Variants in METTL21A observed in about 807,000 individuals in gnomAD.
The protein encoded by METTL21A is protein N-lysine methyltransferase METTL21A.
In METTL21A, 22 loss-of-function variants were observed where a neutral mutation model predicts 20.9. The ratio of observed to expected loss-of-function variants is 1.05; its 90% CI spans 0.75 to 1.50. The LOEUF (loss-of-function observed/expected upper bound fraction) is 1.50. Ranked by LOEUF, METTL21A falls within the 40% of genes most tolerant of loss-of-function variation. The pLI is 0.00. For missense variants in METTL21A, 271 were observed against 266.8 expected, an observed-to-expected ratio of 1.02 and a Z score of -0.11; for synonymous variants, 93 against 102.0, an observed-to-expected ratio of 0.91 and a Z score of 0.53.
At chr2:207,604,401 T>G (rs61058659), downstream of METTL21A, among the ~76,000 whole-genome samples, 1,803 of 152,292 alleles carry the variant, frequency 0.012, 34 homozygotes, top group African/African-American at 0.041. Context: ...CCACTATCCA[T>G]CTGTTAAATT....
chr2:207,613,167 C>T lies in METTL21A; in HGVS notation c.536G>A (p.Arg179Gln), dbSNP rs774753720. ...CAGCATTGCTAAGAAGTTGTTATCC[C>T]GTTCATAGCGAATTCGGCATGCTAA... is the stretch of plus-strand genomic sequence containing the variant. Residue 179 changes from arginine to glutamine, a missense_variant, in exon 4 of 4, where the codon CGG becomes CAG. Arg to Gln is a conservative substitution (Grantham distance 43, BLOSUM62 1). Coordinates refer to ENST00000406927, the Ensembl canonical transcript of METTL21A. 2.9e-5 allele frequency: 46 copies of T among 1,613,886 alleles called. No homozygotes were observed. The African/African-American group carries it at 3.9e-4, about 14-fold the overall frequency.
downstream of METTL21A, among the ~76,000 whole-genome samples, chr2:207,605,058 G>A (rs971667137): frequency 6.6e-6 from 1 of 152,150 alleles, no homozygotes; most frequent in Admixed American, 6.5e-5. Context: ...ATTTGAGTCC[G>A]TGTTTTCAAT....
At chr2:207,604,929 T>G (rs1481930127), downstream of METTL21A, among the ~76,000 whole-genome samples, 5 of 152,236 alleles carry the variant, frequency 3.3e-5, no homozygotes, top group African/African-American at 1.2e-4. Flanking sequence ...CTAAGTATAC[T>G]TTTTATAGTA....
intron 3 of METTL21A, chr2:207,598,152 C>G: frequency 5.5e-6 from 1 of 180,514 alleles, no homozygotes; most frequent in Non-Finnish European, 1.2e-5. Flanking sequence ...CAGAGAATCT[C>G]TAGTGAATTT....
intron 3 of METTL21A, among the ~76,000 whole-genome samples, chr2:207,590,583 T>C (rs1017389364): frequency 6.6e-6 from 1 of 152,154 alleles, no homozygotes; most frequent in Admixed American, 6.6e-5. Flanking sequence ...TTTCAGTTTC[T>C]AAGAAAACTT....
intron 2 of METTL21A, among the ~76,000 whole-genome samples, chr2:207,623,761 G>A (rs1387739035): frequency 1.3e-5 from 2 of 152,318 alleles, no homozygotes; most frequent in East Asian, 1.9e-4. Flanking sequence ...GCTGAGGTGG[G>A]AGAATCACTT....
intron 3 of METTL21A, among the ~76,000 whole-genome samples, chr2:207,582,702 TG>T (rs1334927616): frequency 2.6e-5 from 4 of 152,092 alleles, no homozygotes; most frequent in African/African-American, 9.7e-5. Flanking sequence ...TAGAAAATGG[TG>T]GCCAATATGG....
chr2:207,605,474 T>C (rs923172223), downstream of METTL21A, among the ~76,000 whole-genome samples: 1 of 152,236 alleles, frequency 6.6e-6, no homozygotes, highest in African/African-American at 2.4e-5. Context: ...AAGTTTTTGC[T>C]TTATAATGTC....
At chr2:207,625,818 A>G (rs1329835152), upstream of METTL21A, 1 of 152,288 alleles carries the variant, frequency 6.6e-6, no homozygotes, top group Non-Finnish European at 1.5e-5. Flanking sequence ...CGAAGAAGGC[A>G]TGGTCACTCT....
At chr2:207,583,558 C>T (rs951403641) in intron 3 of METTL21A, among the ~76,000 whole-genome samples, 1 of 152,166 alleles carries the variant, frequency 6.6e-6, no homozygotes, top group African/African-American at 2.4e-5. Context: ...TCTAAAGTTA[C>T]TTCACTCTGC....
intron 3 of METTL21A, among the ~76,000 whole-genome samples, chr2:207,585,061 G>C (rs73056936): frequency 0.012 from 1,810 of 152,030 alleles, 33 homozygotes; most frequent in African/African-American, 0.041. Flanking sequence ...ACATCATCTA[G>C]GGTGCCTGAG....
chr2:207,593,501 G>C (rs1355687502), intron 3 of METTL21A, among the ~76,000 whole-genome samples: 1 of 152,166 alleles, frequency 6.6e-6, no homozygotes, highest in African/African-American at 2.4e-5. Context: ...CTGCACTCCA[G>C]CCTGGGCAGC....
intron 3 of METTL21A, among the ~76,000 whole-genome samples, chr2:207,584,237 G>A (rs541386647): frequency 7.7e-4 from 117 of 152,220 alleles, no homozygotes; most frequent in Admixed American, 1.9e-3. Flanking sequence ...CTGTCCAATT[G>A]TTTTCCAAAA....
chr2:207,613,406 T>G (rs778554661), exon 4 of METTL21A: 2 of 1,605,814 alleles, frequency 1.2e-6, no homozygotes, highest in East Asian at 4.5e-5. Context: ...TAAGAAATTC[T>G]AATGCTACTT....
chr2:207,592,623 AT>A (rs1236743043), intron 3 of METTL21A, among the ~76,000 whole-genome samples: 1 of 151,888 alleles, frequency 6.6e-6, no homozygotes, highest in Non-Finnish European at 1.5e-5. Context: ...TCTGTCATTA[AT>A]TTTAGAAAAT....
chr2:207,622,837 T>A (rs144478928), intron 2 of METTL21A, among the ~76,000 whole-genome samples: 437 of 152,358 alleles, frequency 2.9e-3, no homozygotes, highest in Admixed American at 6.3e-3. Context: ...CACAGCCGCA[T>A]ACTGTGAGTA....
At chr2:207,612,771 G>T in exon 4 of METTL21A, 1 of 283,972 alleles carries the variant, frequency 3.5e-6, no homozygotes. Flanking sequence ...TTTATTAAAA[G>T]GGAGGAGTAT....
In METTL21A at chr2:207,624,217, G is replaced by A; in HGVS notation, c.147+12C>T. On this transcript the variant is annotated intron_variant, in intron 2 of 3. Coordinates refer to ENST00000406927, the Ensembl canonical transcript of METTL21A. ...TGTGAACGTTTTCAGAGGTCCCCCAGGGCTTACTTACCGCATCCCAAACCA... is the reference window on the plus strand; with the variant it reads ...TGTGAACGTTTTCAGAGGTCCCCCAAGGCTTACTTACCGCATCCCAAACCA... 2 of 1,592,002 alleles carry A rather than the reference G, an allele frequency of 1.3e-6. No homozygotes were observed. The highest frequency in any genetic ancestry group is 1.7e-6 in the Non-Finnish European group (2 of 1,170,646).
intron 3 of METTL21A, among the ~76,000 whole-genome samples, chr2:207,617,439 G>A (rs2107155356): frequency 6.6e-6 from 1 of 152,350 alleles, no homozygotes; most frequent in Admixed American, 6.5e-5. Flanking sequence ...GATGAGGCAT[G>A]AACCAAGGAA....
Sources: allele counts gnomAD v4.1 joint callset (sites outside exome capture counted in the v4.1 genomes callset), GRCh38; gene constraint gnomAD v4.1.1; transcripts MANE v1.5; gene names NCBI Gene and HGNC (gene_info 2026-07-23, HGNC 2026-07-21).